KLRG1: variants seen among roughly 807,000 people sequenced by gnomAD.
KLRG1 encodes killer cell lectin like receptor G1, also known as killer cell lectin-like receptor subfamily G member 1.
Under a neutral mutation model 21.8 loss-of-function variants are expected in KLRG1, and 16 were observed. That is an observed-to-expected ratio of 0.73 (90% CI 0.50 to 1.11). The LOEUF (loss-of-function observed/expected upper bound fraction) is 1.11, where lower values mean the gene tolerates loss of function less well. KLRG1 is among the 50% of genes most tolerant of loss of function. The probability of loss-of-function intolerance (pLI) is 0.00; values close to 1 mark genes in which losing one functional copy is unlikely to be tolerated. For synonymous variants in KLRG1, 69 were observed against 75.9 expected (o/e 0.91, Z 0.47); for missense variants, 173 against 218.3 (o/e 0.79, Z 1.31).
At chr12:9,098,840 G>A in the KLRG1 span, 562 of 1,488,656 alleles carry the variant, frequency 3.8e-4, no homozygotes, top group Middle Eastern at 4.3e-3. Context: ...TGTTCCTCAT[G>A]TACAATGTAT....
chr12:9,178,320 A>G, the KLRG1 span, among the ~76,000 whole-genome samples: 138 of 152,306 alleles, frequency 9.1e-4, no homozygotes, highest in East Asian at 1.7e-3. Context: ...GTGGATCCAC[A>G]CTGTAGCCAC....
the KLRG1 span, chr12:9,151,674 T>C: frequency 6.2e-7 from 1 of 1,613,086 alleles, no homozygotes; most frequent in East Asian, 2.2e-5. Flanking sequence ...TCTTTCAAGC[T>C]GGAGAGAATT....
chr12:9,187,001 T>TA, the KLRG1 span, among the ~76,000 whole-genome samples: 10 of 102,336 alleles, frequency 9.8e-5, no homozygotes, highest in African/African-American at 2.7e-4. Context: ...AAGTATAATT[T>TA]AAAAAAAAAG....
At chr12:9,138,035 G>T in the KLRG1 span, among the ~76,000 whole-genome samples, 2 of 151,982 alleles carry the variant, frequency 1.3e-5, no homozygotes, top group Non-Finnish European at 2.9e-5. Context: ...AACTGTTCTG[G>T]CTAGGGCTTT....
At chr12:9,069,080 TG>T in the KLRG1 span, 4 of 347,740 alleles carry the variant, frequency 1.2e-5, no homozygotes, top group Non-Finnish European at 2.1e-5. Flanking sequence ...GCTCTGTTCA[TG>T]GGGGTAAATG....
chr12:9,063,983 A>C, the KLRG1 span, among the ~76,000 whole-genome samples: 1 of 152,198 alleles, frequency 6.6e-6, no homozygotes. Context: ...CCAAGAGGTA[A>C]AATTATAATC....
At chr12:9,095,581 T>G in the KLRG1 span, 1 of 1,612,206 alleles carries the variant, frequency 6.2e-7, no homozygotes, top group African/African-American at 1.3e-5. Context: ...TACTTGATAC[T>G]GGAGTATATG....
the KLRG1 span, among the ~76,000 whole-genome samples, chr12:9,174,721 A>C: frequency 1.3e-5 from 2 of 152,188 alleles, no homozygotes; most frequent in Non-Finnish European, 2.9e-5. Context: ...ATTGCTACAG[A>C]AAGAATAAAA....
the KLRG1 span, chr12:9,181,097 T>C: frequency 2.5e-6 from 4 of 1,614,056 alleles, no homozygotes; most frequent in Non-Finnish European, 3.4e-6. Flanking sequence ...CATGTGAGGC[T>C]GGGGGACTTT....
the KLRG1 span, among the ~76,000 whole-genome samples, chr12:9,087,559 ATACATTTTT>A: frequency 0.019 from 2,960 of 152,226 alleles, 62 homozygotes; most frequent in Non-Finnish European, 0.028. Flanking sequence ...GACAGAAGGA[ATACATTTTT>A]TTCTTTTTGG....
At chr12:9,190,190 C>T in the KLRG1 span, among the ~76,000 whole-genome samples, 6 of 152,078 alleles carry the variant, frequency 3.9e-5, no homozygotes, top group Admixed American at 2.6e-4. Flanking sequence ...GACACATGCA[C>T]ACATATGTTC....
the KLRG1 span, among the ~76,000 whole-genome samples, chr12:9,165,764 C>T: frequency 6.6e-6 from 1 of 152,198 alleles, no homozygotes; most frequent in East Asian, 1.9e-4. Context: ...CTGATATTTA[C>T]AGAAGGCTCC....
the KLRG1 span, chr12:9,093,561 C>T: frequency 6.2e-7 from 1 of 1,602,256 alleles, no homozygotes; most frequent in Admixed American, 1.7e-5. Context: ...TGCATGGCCT[C>T]TTCCCATTAC....
chr12:8,995,604 G>A (rs747257042), intron 3 of KLRG1, among the ~76,000 whole-genome samples: 1 of 152,202 alleles, frequency 6.6e-6, no homozygotes, highest in Non-Finnish European at 1.5e-5. Context: ...GTTTTGGAGA[G>A]GAATGAGACC....
At chr12:9,016,339 G>A in the KLRG1 span, among the ~76,000 whole-genome samples, 2 of 152,076 alleles carry the variant, frequency 1.3e-5, no homozygotes, top group African/African-American at 2.4e-5. Flanking sequence ...AACAAATACA[G>A]CAGAAATTCA....
the KLRG1 span, chr12:9,160,320 T>C: frequency 6.2e-7 from 1 of 1,610,074 alleles, no homozygotes; most frequent in Non-Finnish European, 8.5e-7. Flanking sequence ...TTACCAGTGA[T>C]GAGATAGCCA....
chr12:9,150,953 C>A, the KLRG1 span, among the ~76,000 whole-genome samples: 1 of 152,314 alleles, frequency 6.6e-6, no homozygotes, highest in Admixed American at 6.5e-5. Flanking sequence ...TTCTAAACAA[C>A]TGAGCCAACC....
chr12:9,019,848 A>G, the KLRG1 span, among the ~76,000 whole-genome samples: 48 of 151,650 alleles, frequency 3.2e-4, no homozygotes, highest in Non-Finnish European at 5.7e-4. Context: ...CGTGTCCCAA[A>G]GTGCTGGGAT....
the KLRG1 span, chr12:9,160,367 G>C: frequency 1.9e-5 from 31 of 1,614,180 alleles, no homozygotes; most frequent in Non-Finnish European, 2.5e-5. Flanking sequence ...CAGCTGCTGG[G>C]TTTCATTCAG....
Sources: gnomAD v4.1 joint callset for allele counts (sites outside exome capture counted in the v4.1 genomes callset) on GRCh38, gnomAD v4.1.1 for gene constraint, MANE v1.5 for transcripts, NCBI Gene and HGNC (gene_info 2026-07-23, HGNC 2026-07-21) for gene names.